The following SMCHD1 variants were observed in gnomAD, a reference collection of about 807,000 sequenced individuals.
SMCHD1 encodes structural maintenance of chromosomes flexible hinge domain containing 1.
In SMCHD1, 78 loss-of-function variants were observed where a neutral mutation model predicts 254.7. The ratio of observed to expected loss-of-function variants is 0.31; its 90% CI spans 0.26 to 0.37. SMCHD1 has a LOEUF of 0.37. Ranked by LOEUF, SMCHD1 falls within the 10% of genes least tolerant of loss-of-function variation. The pLI is 1.00. For missense variants in SMCHD1, 1,840 were observed against 2,408.1 expected (o/e 0.76, Z 4.94); for synonymous variants, 766 against 794.9 (o/e 0.96, Z 0.61).
In SMCHD1 at chr18:2,673,261, GT is replaced by G; in HGVS notation, c.425-16del. ...ATGTGGGAGGGAAAAGTTAAGCAATGTTTTCTTGATCTCTTGCAGCATTTGC... is the reference window on the plus strand; with the variant it reads ...ATGTGGGAGGGAAAAGTTAAGCAATGTTTCTTGATCTCTTGCAGCATTTGC... On this transcript the variant is annotated intron_variant, in intron 3 of 47. Coordinates refer to ENST00000320876, the MANE Select transcript of SMCHD1 (RefSeq NM_015295.3). 1 of 1,570,020 alleles carries G rather than the reference GT, an allele frequency of 6.4e-7. No homozygotes were observed. Among genetic ancestry groups the G allele is most frequent in the Non-Finnish European group, 8.7e-7 (1 of 1,154,040 alleles).
chr18:2,799,185 A>G (rs143692967), intron 47 of SMCHD1, among the ~76,000 whole-genome samples: 10 of 152,328 alleles, frequency 6.6e-5, no homozygotes, highest in Non-Finnish European at 1.3e-4. Context: ...TTAATAATAG[A>G]TATTATTGAA....
chr18:2,688,886 G>A (rs2074110674), intron 7 of SMCHD1, 139 bp downstream of exon 7: 6 of 474,402 alleles, frequency 1.3e-5, no homozygotes, highest in East Asian at 1.1e-4. Flanking sequence ...GCTTTCTCAA[G>A]CCAAAAATCT....
chr18:2,693,692 C>T (rs751457807), intron 7 of SMCHD1, among the ~76,000 whole-genome samples: 6 of 152,092 alleles, frequency 3.9e-5, no homozygotes, highest in African/African-American at 1.5e-4. Flanking sequence ...AGTGCAGTGG[C>T]GCGATCTTGG....
Position 2,700,572 on chromosome 18 carries a change from T to G in SMCHD1, c.1376T>G (p.Phe459Cys). 6.2e-7 allele frequency: 1 copy of G among 1,612,282 alleles called. No homozygotes were observed. The highest frequency in any genetic ancestry group is 1.1e-5 in the South Asian group (1 of 90,846). ...LKDEDDEDDCFILEKAARGKR... is the reference protein window; with the variant it reads ...LKDEDDEDDCCILEKAARGKR... ...GATGAAGATGATGAAGATGATTGTTTCATACTTGAGAAAGCAGCTAGAGGG... is the reference window on the plus strand; with the variant it reads ...GATGAAGATGATGAAGATGATTGTTGCATACTTGAGAAAGCAGCTAGAGGG... Residue 459 changes from phenylalanine (F) to cysteine (C), a missense_variant, in exon 11 of 48, where the codon TTC (phenylalanine) becomes TGC (cysteine). By Grantham distance (205) the Phe-to-Cys change is radical. Coordinates refer to ENST00000320876, the MANE Select transcript of SMCHD1 (RefSeq NM_015295.3).
intron 27 of SMCHD1, 38 bp downstream of exon 27, chr18:2,739,558 A>T: frequency 1.3e-6 from 2 of 1,528,288 alleles, no homozygotes; most frequent in East Asian, 2.3e-5. Flanking sequence ...ACAACAAAAA[A>T]ATCTTCTGTG....
At chr18:2,793,969 A>G (rs1348203929) in intron 45 of SMCHD1, among the ~76,000 whole-genome samples, 1 of 152,092 alleles carries the variant, frequency 6.6e-6, no homozygotes, top group Non-Finnish European at 1.5e-5. Context: ...AATTTCTTCC[A>G]CAGTTTTACT....
intron 37 of SMCHD1, among the ~76,000 whole-genome samples, chr18:2,769,016 CTG>C (rs1461400841): frequency 1.3e-5 from 2 of 152,076 alleles, no homozygotes; most frequent in African/African-American, 4.8e-5. Flanking sequence ...TACTACTTCT[CTG>C]TAAATTGTAT....
intron 25 of SMCHD1, among the ~76,000 whole-genome samples, chr18:2,734,820 A>G (rs1276051305): frequency 6.6e-6 from 1 of 152,088 alleles, no homozygotes; most frequent in Non-Finnish European, 1.5e-5. Flanking sequence ...CTGTAATCCT[A>G]GCACTTTGGG....
intron 1 of SMCHD1, among the ~76,000 whole-genome samples, chr18:2,665,208 C>T (rs1375216618): frequency 6.6e-6 from 1 of 152,086 alleles, no homozygotes; most frequent in African/African-American, 2.4e-5. Flanking sequence ...TGTGATTTTA[C>T]AGTTCATGTG....
chr18:2,775,276 G>A (rs2076049285), intron 41 of SMCHD1, among the ~76,000 whole-genome samples: 1 of 151,402 alleles, frequency 6.6e-6, no homozygotes. Flanking sequence ...TAATATTGGA[G>A]TAAAGTATTT....
At chr18:2,801,579 T>C (rs2076362782) in intron 47 of SMCHD1, among the ~76,000 whole-genome samples, 1 of 152,158 alleles carries the variant, frequency 6.6e-6, no homozygotes, top group African/African-American at 2.4e-5. Context: ...GTATTGAATA[T>C]TGGTATATTT....
rs1489715851 is a variant in SMCHD1 at position 2,718,252 on chromosome 18, A to C, written c.2338+17A>C. The C allele has an allele frequency of 6.2e-7, 1 of 1,611,010 alleles. No homozygotes were observed. Among genetic ancestry groups the C allele is most frequent in the East Asian group, 2.2e-5 (1 of 44,734 alleles). On this transcript the variant is annotated intron_variant, in intron 18 of 47. Coordinates refer to ENST00000320876, the MANE Select transcript of SMCHD1 (RefSeq NM_015295.3). The surrounding 1 kb of genome is among the most constrained non-coding windows in gnomAD (Gnocchi z 4.6). The stretch of plus-strand genomic sequence containing the variant: ...AAAAAATGGGTGAGTTCTTATTCTG[A>C]ATGTTAAAAAATACATTGGTATTGT...
Position 2,775,850 on chromosome 18 carries a change from T to C in SMCHD1, c.5292T>C (p.Tyr1764=). The part of the protein sequence containing the change: ...TLTTDAARRI[Y]DETQGRQQVL... ...CCACTGACGCTGCACGTCGTATCTA[T>C]GATGAAACCCAAGGTCGTCAGCAGG... The change falls in exon 42 of 48, where the codon TAT becomes TAC. Residue 1764 remains tyrosine, a synonymous_variant. Coordinates refer to ENST00000320876, the MANE Select transcript of SMCHD1 (RefSeq NM_015295.3). 6.2e-7 allele frequency: 1 copy of C among 1,612,408 alleles called. No individual in the cohort carries two copies. Among genetic ancestry groups the C allele is most frequent in the Non-Finnish European group, 8.5e-7 (1 of 1,179,432 alleles).
In SMCHD1 at chr18:2,769,750, A is replaced by G. The variant is rs2075941401; in HGVS notation, c.4776A>G (p.Val1592=). 4 of 1,603,166 alleles carry G rather than the reference A, an allele frequency of 2.5e-6. No homozygotes were observed. The East Asian group carries it at 6.7e-5, about 27-fold the overall frequency. The change falls in exon 38 of 48, where the codon GTA becomes GTG. Residue 1592 remains valine (V), a synonymous_variant. Coordinates refer to ENST00000320876, the MANE Select transcript of SMCHD1 (RefSeq NM_015295.3). ...PGRDSTEYFI[V]FEPRLPLLSR... ...GGGATAGTACTGAATATTTTATTGTATTTGAGCCCCGGCTACCACTTTTAT... is the reference window on the plus strand; with the variant it reads ...GGGATAGTACTGAATATTTTATTGTGTTTGAGCCCCGGCTACCACTTTTAT...
At chr18:2,778,136 TAATTTTCAA>T (rs749486061) in intron 43 of SMCHD1, 24 bp from the exon 44 acceptor site, 4 of 1,493,036 alleles carry the variant, frequency 2.7e-6, no homozygotes, top group African/African-American at 2.8e-5. Context: ...GAAAATATCA[TAATTTTCAA>T]AATTCATTTA....
chr18:2,697,334 T>C, intron 9 of SMCHD1: 1 of 372,772 alleles, frequency 2.7e-6, no homozygotes, highest in Non-Finnish European at 4.9e-6. Context: ...TTGGTTTATC[T>C]TTTTTTGTCT....
intron 42 of SMCHD1, among the ~76,000 whole-genome samples, chr18:2,777,477 C>T (rs1180505899): frequency 6.6e-6 from 1 of 151,716 alleles, no homozygotes; most frequent in Non-Finnish European, 1.5e-5. Flanking sequence ...GACCACTCTT[C>T]ACATGAACAG....
intron 42 of SMCHD1, among the ~76,000 whole-genome samples, chr18:2,777,069 C>CA (rs201358006): frequency 2.7e-5 from 4 of 148,556 alleles, no homozygotes; most frequent in African/African-American, 7.4e-5. Context: ...ACCTCCCCCC[C>CA]CCATACCCTA....
Position 2,718,186 on chromosome 18 carries a change from G to T in SMCHD1, c.2289G>T (p.Ser763=), listed in dbSNP as rs58683258. 5.0e-6 allele frequency: 8 copies of T among 1,611,706 alleles called. No homozygotes were observed. The highest frequency in any genetic ancestry group is 5.9e-6 in the Non-Finnish European group (7 of 1,178,694). ...HSSSGNKEII[S]HISQHGGKWP... ...CAAGTGGAAATAAAGAGATTATTTC[G>T]CATATTAGTCAACATGGAGGAAAAT... Residue 763 remains serine, a synonymous_variant, in exon 18 of 48, where the codon TCG becomes TCT. Coordinates refer to ENST00000320876, the MANE Select transcript of SMCHD1 (RefSeq NM_015295.3). The surrounding 1 kb of genome is among the most constrained non-coding windows in gnomAD (Gnocchi z 4.6).
Sources: gnomAD v4.1 joint callset for allele counts (sites outside exome capture counted in the v4.1 genomes callset) on GRCh38, gnomAD v4.1.1 for gene constraint, Gnocchi (gnomAD v3.1) non-coding constraint, MANE v1.5 for transcripts, NCBI Gene and HGNC (gene_info 2026-07-23, HGNC 2026-07-21) for gene names.